RFX4: variants seen among roughly 807,000 people sequenced by gnomAD.
RFX4 encodes the protein regulatory factor X4, also known as transcription factor RFX4.
Under a neutral mutation model 95.0 loss-of-function variants are expected in RFX4, and 10 were observed. The ratio of observed to expected loss-of-function variants is 0.11; its 90% CI spans 0.06 to 0.18. The LOEUF is 0.18. Ranked by LOEUF, RFX4 falls within the 10% of genes least tolerant of loss-of-function variation. The pLI is 1.00. For missense variants in RFX4, 640 were observed against 922.0 expected, an observed-to-expected ratio of 0.69 and a Z score of 3.96; for synonymous variants, 321 against 340.7, an observed-to-expected ratio of 0.94 and a Z score of 0.64.
chr12:106,670,267 C>T (rs1306774811), intron 4 of RFX4, among the ~76,000 whole-genome samples: 1 of 152,160 alleles, frequency 6.6e-6, no homozygotes, highest in Non-Finnish European at 1.5e-5. Context: ...CACCCTCGCC[C>T]TCTCTTATTA....
At chr12:106,620,400 GC>G (rs1357044626) in intron 2 of RFX4, among the ~76,000 whole-genome samples, 1 of 152,146 alleles carries the variant, frequency 6.6e-6, no homozygotes, top group East Asian at 1.9e-4. Flanking sequence ...CGTGATGCCT[GC>G]CTGAGCCTCA....
chr12:106,673,349 T>C (rs941393235), intron 4 of RFX4, among the ~76,000 whole-genome samples: 2 of 152,160 alleles, frequency 1.3e-5, no homozygotes, highest in Non-Finnish European at 2.9e-5. Context: ...CCTGTTGAGG[T>C]TGAGCTCTTG....
intron 4 of RFX4, among the ~76,000 whole-genome samples, chr12:106,663,496 C>G (rs2041115978): frequency 1.3e-5 from 2 of 151,864 alleles, no homozygotes; most frequent in South Asian, 4.2e-4. Context: ...ATTATGTCAT[C>G]TTTGAACAAA....
intron 1 of RFX4, chr12:106,601,227 A>G (rs1565945398): frequency 6.4e-7 from 1 of 1,551,994 alleles, no homozygotes; most frequent in Non-Finnish European, 8.7e-7. Flanking sequence ...GTGTGTCGCC[A>G]CTGCCACCGG....
chr12:106,723,165 TCTC>T (rs2042427451), intron 13 of RFX4, among the ~76,000 whole-genome samples: 2 of 152,154 alleles, frequency 1.3e-5, no homozygotes, highest in Admixed American at 6.5e-5. Flanking sequence ...TTCACTCTCT[TCTC>T]CTTAATTCTT....
intron 8 of RFX4, among the ~76,000 whole-genome samples, chr12:106,696,849 G>T (rs1271093182): frequency 6.6e-6 from 1 of 152,114 alleles, no homozygotes; most frequent in Non-Finnish European, 1.5e-5. Flanking sequence ...CCTGTTCTGT[G>T]CCTTGCTGTA....
intron 7 of RFX4, chr12:106,693,146 A>G (rs1224881397): frequency 6.9e-6 from 3 of 435,448 alleles, no homozygotes; most frequent in Non-Finnish European, 9.2e-6. Context: ...CTAACTTCCA[A>G]GCCTTAGTGC....
At chr12:106,635,559 C>G (rs2040495269) in intron 2 of RFX4, among the ~76,000 whole-genome samples, 2 of 152,040 alleles carry the variant, frequency 1.3e-5, no homozygotes, top group Admixed American at 1.3e-4. Flanking sequence ...GTGATCTGCC[C>G]CCCTCCGCCT....
At chr12:106,595,122 A>G (rs747147227) in intron 1 of RFX4, among the ~76,000 whole-genome samples, 5 of 152,194 alleles carry the variant, frequency 3.3e-5, no homozygotes, top group African/African-American at 1.2e-4. Context: ...TAACTCACAT[A>G]TTGACTCTAT....
chr12:106,743,521 G>A (rs532883691), intron 15 of RFX4, among the ~76,000 whole-genome samples: 2 of 152,274 alleles, frequency 1.3e-5, no homozygotes, highest in Admixed American at 1.3e-4. Context: ...CAGACCACAG[G>A]AGCCCATTTT....
intron 11 of RFX4, among the ~76,000 whole-genome samples, chr12:106,718,482 G>A (rs1029331818): frequency 1.3e-5 from 2 of 152,182 alleles, no homozygotes; most frequent in Non-Finnish European, 1.5e-5. Context: ...TTCTTCACTT[G>A]TAAAATGGAG....
At chr12:106,729,214 A>G (rs559647209) in intron 13 of RFX4, among the ~76,000 whole-genome samples, 1 of 152,330 alleles carries the variant, frequency 6.6e-6, no homozygotes, top group African/African-American at 2.4e-5. Context: ...ATTATTTCAT[A>G]GTACATTTCT....
chr12:106,629,322 TTG>T (rs1161884911), intron 2 of RFX4, among the ~76,000 whole-genome samples: 1 of 152,168 alleles, frequency 6.6e-6, no homozygotes, highest in Non-Finnish European at 1.5e-5. Context: ...ACAAATAACC[TTG>T]TGTATGCATC....
chr12:106,712,013 A>C (rs763486068), intron 10 of RFX4, among the ~76,000 whole-genome samples: 3 of 152,224 alleles, frequency 2.0e-5, no homozygotes, highest in Non-Finnish European at 4.4e-5. Flanking sequence ...TGCCCCTATC[A>C]ACTCTGTAGT....
intron 2 of RFX4, among the ~76,000 whole-genome samples, chr12:106,636,943 T>C (rs1266389036): frequency 6.6e-6 from 1 of 152,188 alleles, no homozygotes; most frequent in Non-Finnish European, 1.5e-5. Flanking sequence ...CATCTAGTTA[T>C]TGTGTCATCT....
At chr12:106,706,402 A>G (rs558498180) in intron 8 of RFX4, among the ~76,000 whole-genome samples, 1 of 152,338 alleles carries the variant, frequency 6.6e-6, no homozygotes, top group South Asian at 2.1e-4. Flanking sequence ...GGATGGACTC[A>G]GGAAGCTACT....
At position 106,586,202 on chromosome 12, in the gene RFX4, A is replaced by T. The variant is rs890505905; in HGVS notation, c.43+2839A>T. Among the ~76,000 whole-genome samples the T allele has an allele frequency of 6.6e-6, 1 of 152,008 alleles. No homozygotes were observed. The highest frequency in any genetic ancestry group is 2.1e-4 in the South Asian group (1 of 4,808). On this transcript the variant is annotated intron_variant, in intron 1 of 17. Coordinates refer to ENST00000392842, the MANE Select transcript of RFX4 (RefSeq NM_213594.3). The surrounding 1 kb of genome is among the most constrained non-coding windows in gnomAD (Gnocchi z 5.6). The stretch of plus-strand genomic sequence containing the variant: ...CGACAGGCGCGCGCAGGGGCAGTCG[A>T]CGCACCTTCTGGCCGGTGCGCGGTT...
chr12:106,721,125 A>ACAGCTTAATTAAAGTACAGCTT (rs1195501630), intron 13 of RFX4, among the ~76,000 whole-genome samples: 29 of 152,136 alleles, frequency 1.9e-4, no homozygotes, highest in Admixed American at 1.9e-3. Flanking sequence ...AAAGAAGAAT[A>ACAGCTTAATTAAAGTACAGCTT]AATTGCAGTG....
chr12:106,613,355 T>C (rs2040000596), intron 2 of RFX4, among the ~76,000 whole-genome samples: 2 of 146,528 alleles, frequency 1.4e-5, no homozygotes, highest in South Asian at 4.6e-4. Flanking sequence ...TTGCTGAGGA[T>C]TTTTGCATCA....
Sources: gnomAD v4.1 joint callset for allele counts (sites outside exome capture counted in the v4.1 genomes callset) on GRCh38, gnomAD v4.1.1 for gene constraint, Gnocchi (gnomAD v3.1) non-coding constraint, MANE v1.5 for transcripts, NCBI Gene and HGNC (gene_info 2026-07-23, HGNC 2026-07-21) for gene names.